Variants in SH3RF2 observed in about 807,000 individuals in gnomAD.
The protein encoded by SH3RF2 is SH3 domain containing ring finger 2.
A neutral mutation model predicts 59.0 loss-of-function variants in SH3RF2; 43 were observed. That is an observed-to-expected ratio of 0.73 (90% CI 0.57 to 0.94). SH3RF2 has a LOEUF of 0.94. Among genes scored for constraint, SH3RF2 ranks in the 40% least tolerant of loss-of-function variants. The probability of loss-of-function intolerance (pLI) is 0.00; values close to 1 mark genes in which losing one functional copy is unlikely to be tolerated. For missense variants in SH3RF2, 930 were observed against 940.1 expected, an observed-to-expected ratio of 0.99 and a Z score of 0.14; for synonymous variants, 391 against 391.5, an observed-to-expected ratio of 1.00 and a Z score of 0.01.
Position 145,980,896 on chromosome 5 carries a change from T to A in SH3RF2, c.379-19162T>A, listed in dbSNP as rs574555184. On this transcript the variant is annotated intron_variant, in intron 2 of 9. Transcript: ENST00000359120. Reference sequence around the variant, plus strand: ...TAAGGTCAATCTTATTGCATCTATATCCCATTCACTTCCTCCCCCTACTGG... The same window carrying A: ...TAAGGTCAATCTTATTGCATCTATAACCCATTCACTTCCTCCCCCTACTGG... 2.0e-4 allele frequency among the ~76,000 whole-genome samples: 31 copies of A among 152,276 alleles called. No homozygotes were observed. The South Asian group carries it at 6.4e-3, about 32-fold the overall frequency.
intron 2 of SH3RF2, among the ~76,000 whole-genome samples, chr5:145,953,039 G>A (rs1758251653): frequency 1.3e-5 from 2 of 151,944 alleles, no homozygotes; most frequent in Admixed American, 1.3e-4. Context: ...CCAGCTATTG[G>A]AAGTGAAGCT....
chr5:145,964,166 TTTTC>T (rs1031436904), intron 2 of SH3RF2, among the ~76,000 whole-genome samples: 51 of 151,630 alleles, frequency 3.4e-4, no homozygotes, highest in African/African-American at 8.5e-4. Flanking sequence ...TCTTTTCTTT[TTTTC>T]TTTCTTTCTT....
intron 2 of SH3RF2, among the ~76,000 whole-genome samples, chr5:145,959,999 G>A (rs1010250230): frequency 5.9e-5 from 9 of 152,118 alleles, no homozygotes; most frequent in South Asian, 2.1e-4. Flanking sequence ...TATTAAAGCC[G>A]GCATTTTCAA....
At chr5:145,987,722 C>T (rs1056811638) in intron 2 of SH3RF2, among the ~76,000 whole-genome samples, 1 of 146,080 alleles carries the variant, frequency 6.8e-6, no homozygotes, top group East Asian at 1.9e-4. Flanking sequence ...CTAGCATGGT[C>T]GGCACTCAAA....
chr5:145,992,551 A>T (rs1759981342), intron 2 of SH3RF2, among the ~76,000 whole-genome samples: 1 of 152,248 alleles, frequency 6.6e-6, no homozygotes, highest in Admixed American at 6.5e-5. Flanking sequence ...AAAAGGTTTA[A>T]TTGGACTTAT....
intron 5 of SH3RF2, among the ~76,000 whole-genome samples, chr5:146,016,452 G>T (rs1761110786): frequency 2.0e-5 from 3 of 152,032 alleles, no homozygotes; most frequent in Admixed American, 2.0e-4. Flanking sequence ...AATAGATACA[G>T]TGATATCCTC....
intron 9 of SH3RF2, among the ~76,000 whole-genome samples, chr5:146,075,766 C>T (rs902104266): frequency 7.6e-5 from 8 of 105,870 alleles, no homozygotes; most frequent in Non-Finnish European, 1.1e-4. Context: ...GGCACAATGG[C>T]GAAATTCCAT....
intron 9 of SH3RF2, among the ~76,000 whole-genome samples, chr5:146,061,045 A>G (rs946562679): frequency 6.6e-6 from 1 of 152,118 alleles, no homozygotes; most frequent in Non-Finnish European, 1.5e-5. Context: ...TCATTCCACC[A>G]TCATCGTCCA....
intron 2 of SH3RF2, among the ~76,000 whole-genome samples, chr5:145,954,390 T>C (rs1758312612): frequency 6.6e-6 from 1 of 152,222 alleles, no homozygotes; most frequent in South Asian, 2.1e-4. Context: ...CTTGCCCACT[T>C]TTTAATAGGG....
At chr5:146,041,773 T>C (rs1346049959) in intron 5 of SH3RF2, among the ~76,000 whole-genome samples, 3 of 151,758 alleles carry the variant, frequency 2.0e-5, no homozygotes. Context: ...CTACAAAAAA[T>C]ACAAAAAACT....
chr5:145,941,891 T>A lies in SH3RF2; in HGVS notation c.378+3585T>A, dbSNP rs1356082146. The stretch of plus-strand genomic sequence containing the variant: ...TGGCTCATATTAAGTGCTCAGTAAA[T>A]GTTAGCTGTGGTTGTTGTTGAAGTG... On this transcript the variant is annotated intron_variant, in intron 2 of 9. Coordinates refer to ENST00000359120, the MANE Select transcript of SH3RF2 (RefSeq NM_152550.4). Among the ~76,000 whole-genome samples the A allele has an allele frequency of 2.0e-5, 3 of 152,208 alleles. No individual in the cohort carries two copies. The East Asian group carries it at 5.8e-4, about 29-fold the overall frequency.
In SH3RF2 at chr5:146,043,403, G is replaced by A. The variant is rs1379346435; in HGVS notation, c.1060-4369G>A. Among the ~76,000 whole-genome samples the A allele has an allele frequency of 6.1e-3, 936 of 152,312 alleles. 11 individuals are homozygous for A. The highest frequency in any genetic ancestry group is 0.022 in the African/African-American group (896 of 41,552). ...TCCCTAATTCCAGACCTCGAGCTGAGTCAAGCTAAGGCCTCTTGGATGTTT... is the reference window on the plus strand; with the variant it reads ...TCCCTAATTCCAGACCTCGAGCTGAATCAAGCTAAGGCCTCTTGGATGTTT... On this transcript the variant is annotated intron_variant, in intron 5 of 9. Transcript: ENST00000359120.
downstream of SH3RF2, among the ~76,000 whole-genome samples, chr5:146,066,858 C>G (rs889637030): frequency 6.6e-6 from 1 of 152,164 alleles, no homozygotes; most frequent in African/African-American, 2.4e-5. Flanking sequence ...AACTAAGGTT[C>G]AGACAGTACC....
Position 145,955,226 on chromosome 5 carries a change from T to C in SH3RF2, c.378+16920T>C, listed in dbSNP as rs568869373. On this transcript the variant is annotated intron_variant, in intron 2 of 9. Transcript: ENST00000359120. ...GTTCAAAAACTGACCTGATTTTCAG[T>C]TGGGGAACAAAATCATGTCCTTTGC... Among the ~76,000 whole-genome samples the C allele has an allele frequency of 5.9e-5, 9 of 152,218 alleles. No individual in the cohort carries two copies. In the South Asian group the frequency reaches 1.0e-3, roughly 18 times the overall value.
At chr5:146,005,268 A>C (rs1224185429) in intron 4 of SH3RF2, among the ~76,000 whole-genome samples, 1 of 152,210 alleles carries the variant, frequency 6.6e-6, no homozygotes, top group African/African-American at 2.4e-5. Flanking sequence ...TTTAGCTTGA[A>C]GCAAGTCATT....
chr5:145,957,717 G>A (rs1020272594), intron 2 of SH3RF2, among the ~76,000 whole-genome samples: 1 of 152,156 alleles, frequency 6.6e-6, no homozygotes, highest in Admixed American at 6.5e-5. Context: ...TGGAGTGGGG[G>A]TCTGCCTAAT....
Position 146,049,198 on chromosome 5 carries a change from CG to C in SH3RF2, c.1278del (p.Arg427GlufsTer65). The C allele has an allele frequency of 1.2e-6, 2 of 1,613,794 alleles. No individual in the cohort carries two copies. Among genetic ancestry groups the C allele is most frequent in the Non-Finnish European group, 1.7e-6 (2 of 1,179,878 alleles). ...GGCTCAGGGGCGTCTCCTTGGTCAC[CG>C]GGCGAGTCGGCATCTTCCCAAACAA... is the stretch of plus-strand genomic sequence containing the variant. ...GWLRGVSLVT[G>X]RVGIFPNNYV... On this transcript the variant is annotated frameshift_variant, in exon 7 of 10. Coordinates refer to ENST00000359120, the MANE Select transcript of SH3RF2 (RefSeq NM_152550.4). LOFTEE classifies it high-confidence loss of function.
intron 4 of SH3RF2, among the ~76,000 whole-genome samples, chr5:146,008,265 A>AAT (rs1458987145): frequency 6.6e-6 from 1 of 152,186 alleles, no homozygotes; most frequent in Non-Finnish European, 1.5e-5. Flanking sequence ...CAGAGCTATT[A>AAT]ATCATGTTGG....
At chr5:146,060,527 G>A (rs1214491278) in intron 9 of SH3RF2, among the ~76,000 whole-genome samples, 2 of 152,006 alleles carry the variant, frequency 1.3e-5, no homozygotes, top group African/African-American at 4.8e-5. Context: ...GATGAATCTT[G>A]CTTTGAATTC....
Sources: gnomAD v4.1 joint callset for allele counts (sites outside exome capture counted in the v4.1 genomes callset) on GRCh38, gnomAD v4.1.1 for gene constraint, MANE v1.5 for transcripts, NCBI Gene and HGNC (gene_info 2026-07-23, HGNC 2026-07-21) for gene names.